The following MME variants were observed in gnomAD, a reference collection of about 807,000 sequenced individuals.
MME encodes neprilysin.
A neutral mutation model predicts 113.2 loss-of-function variants in MME; 98 were observed. That is an observed-to-expected ratio of 0.87 (90% CI 0.74 to 1.02). MME has a LOEUF of 1.02. MME is among the 50% of genes least tolerant of loss of function. The probability of loss-of-function intolerance (pLI) is 0.00; values close to 1 mark genes in which losing one functional copy is unlikely to be tolerated. For missense variants in MME, 836 were observed against 896.0 expected (o/e 0.93, Z 0.86); for synonymous variants, 292 against 300.6 (o/e 0.97, Z 0.30).
chr3:155,113,506 C>T (rs2108247153), intron 3 of MME, among the ~76,000 whole-genome samples: 1 of 152,138 alleles, frequency 6.6e-6, no homozygotes, highest in Middle Eastern at 3.4e-3. Context: ...TATTGGACTC[C>T]CAAAGTGCTG....
chr3:155,151,657 C>G (rs538247938), intron 16 of MME, among the ~76,000 whole-genome samples: 1 of 152,240 alleles, frequency 6.6e-6, no homozygotes, highest in Non-Finnish European at 1.5e-5. Context: ...CTAAAAACCT[C>G]CATTTTACTG....
chr3:155,110,880 T>C (rs936309982), intron 3 of MME, among the ~76,000 whole-genome samples: 1 of 152,230 alleles, frequency 6.6e-6, no homozygotes, highest in South Asian at 2.1e-4. Flanking sequence ...TAGTATATGC[T>C]CTTTCACTTT....
At chr3:155,108,834 A>G (rs1183159100) in intron 3 of MME, among the ~76,000 whole-genome samples, 2 of 152,160 alleles carry the variant, frequency 1.3e-5, no homozygotes, top group African/African-American at 4.8e-5. Context: ...GTTGTTGTGT[A>G]TAGTGCCCAA....
At chr3:155,086,029 G>A (rs1715692476) in intron 3 of MME, among the ~76,000 whole-genome samples, 1 of 152,184 alleles carries the variant, frequency 6.6e-6, no homozygotes, top group African/African-American at 2.4e-5. Flanking sequence ...AGATATTTTT[G>A]AACAGAGGAG....
intron 1 of MME, among the ~76,000 whole-genome samples, chr3:155,082,927 C>T (rs1715284202): frequency 1.3e-5 from 2 of 152,136 alleles, no homozygotes; most frequent in Admixed American, 1.3e-4. Context: ...ACTATAAGAG[C>T]ATTTCTGAGC....
At chr3:155,062,358 G>C (rs916859454) in intron 1 of MME, among the ~76,000 whole-genome samples, 1 of 152,044 alleles carries the variant, frequency 6.6e-6, no homozygotes. Context: ...TTTTTTCAAA[G>C]CTTTAAAGGC....
intron 16 of MME, among the ~76,000 whole-genome samples, chr3:155,150,757 A>G (rs9830725): frequency 0.36 from 54,192 of 152,076 alleles, 10,080 homozygotes; most frequent in African/African-American, 0.44. Flanking sequence ...GTGTGATATC[A>G]TTCCTGTTCA....
intron 13 of MME, 74 bp from the exon 14 acceptor site, chr3:155,144,285 T>C: frequency 1.0e-6 from 1 of 971,392 alleles, no homozygotes; most frequent in East Asian, 2.4e-5. Context: ...AGATAGCATG[T>C]AGCTCTATTT....
At chr3:155,042,924 A>ATATATATATATG (rs1713398777) in intron 1 of MME, among the ~76,000 whole-genome samples, 1 of 65,448 alleles carries the variant, frequency 1.5e-5, no homozygotes, top group Non-Finnish European at 2.8e-5. Context: ...ATATATATAT[A>ATATATATATATG]TATATATATA....
chr3:155,078,855 C>G (rs1392635871), upstream of MME, among the ~76,000 whole-genome samples: 1 of 152,070 alleles, frequency 6.6e-6, no homozygotes, highest in Non-Finnish European at 1.5e-5. Flanking sequence ...GTATTTATTT[C>G]CTTGTTTGTA....
At chr3:155,047,152 T>C (rs1713585004) in intron 1 of MME, among the ~76,000 whole-genome samples, 1 of 152,342 alleles carries the variant, frequency 6.6e-6, no homozygotes, top group South Asian at 2.1e-4. Context: ...CCATTCAAGG[T>C]ATGTATCCTA....
chr3:155,054,659 A>T (rs1165097190), intron 1 of MME, among the ~76,000 whole-genome samples: 1 of 152,206 alleles, frequency 6.6e-6, no homozygotes, highest in Admixed American at 6.5e-5. Context: ...TCTACAAAAA[A>T]TACAGAAATT....
intron 17 of MME, among the ~76,000 whole-genome samples, chr3:155,160,964 C>T (rs140613700): frequency 1.5e-3 from 230 of 151,800 alleles, no homozygotes; most frequent in African/African-American, 5.2e-3. Flanking sequence ...CAATTATATT[C>T]GATTGAATCG....
intron 20 of MME, 156 bp downstream of exon 20, chr3:155,168,953 T>C (rs1050749111): frequency 1.5e-6 from 1 of 655,232 alleles, no homozygotes; most frequent in South Asian, 1.9e-5. Flanking sequence ...GTGGTGAATA[T>C]GCTAACCATA....
At chr3:155,115,287 TACC>T (rs2108252007) in intron 4 of MME, 132 bp downstream of exon 4, 1 of 1,083,494 alleles carries the variant, frequency 9.2e-7, no homozygotes, top group East Asian at 2.6e-5. Flanking sequence ...AGGATTTGTG[TACC>T]ACCACCAAGT....
At chr3:155,108,816 T>C (rs535167212) in intron 3 of MME, among the ~76,000 whole-genome samples, 4 of 152,106 alleles carry the variant, frequency 2.6e-5, no homozygotes, top group Non-Finnish European at 5.9e-5. Flanking sequence ...TATATAAATA[T>C]TAAGATAGTT....
chr3:155,052,344 C>T (rs1312024455), intron 1 of MME, among the ~76,000 whole-genome samples: 5 of 152,232 alleles, frequency 3.3e-5, no homozygotes, highest in Admixed American at 3.3e-4. Context: ...AGCTCCAACC[C>T]CACATTTCCC....
rs745499234 is a variant in MME, at chr3:155,115,143, G to A, written c.346G>A (p.Val116Ile). The A allele has an allele frequency of 6.2e-6, 10 of 1,613,940 alleles. No homozygotes were observed. The highest frequency in any genetic ancestry group is 8.5e-6 in the Non-Finnish European group (10 of 1,179,988). ...NFDILRDELE[V>I]VLKDVLQEPK... ...TGACATTTTAAGAGATGAACTAGAA[G>A]TCGTTTTGAAAGGTTAGTAGAGATT... The change falls in exon 4 of 23, where the codon GTC becomes ATC. Residue 116 changes from valine to isoleucine, a missense_variant. Physicochemically the swap from Val to Ile is conservative, Grantham distance 29 (BLOSUM62 3). Transcript: ENST00000360490.
chr3:155,150,423 G>A (rs1232752873), intron 16 of MME, among the ~76,000 whole-genome samples: 1 of 152,094 alleles, frequency 6.6e-6, no homozygotes, highest in Non-Finnish European at 1.5e-5. Flanking sequence ...ATGGTCAATA[G>A]CACACATGCT....
Sources: gnomAD v4.1 joint callset for allele counts (sites outside exome capture counted in the v4.1 genomes callset) on GRCh38, gnomAD v4.1.1 for gene constraint, MANE v1.5 for transcripts, NCBI Gene and HGNC (gene_info 2026-07-23, HGNC 2026-07-21) for gene names.